NXN: variants seen among roughly 807,000 people sequenced by gnomAD.
NXN encodes nucleoredoxin 1.
In NXN, 16 loss-of-function variants were observed where a neutral mutation model predicts 48.6. The observed-to-expected ratio is 0.33, with a 90% CI of 0.22 to 0.50. The LOEUF is 0.50. Among genes scored for constraint, NXN ranks in the 20% least tolerant of loss-of-function variants. The pLI, the probability that NXN is intolerant of heterozygous loss-of-function variation, is 0.98. For missense variants in NXN, 492 were observed against 605.5 expected (o/e 0.81, Z 1.97); for synonymous variants, 281 against 269.6 (o/e 1.04, Z -0.41).
At chr17:964,262 C>T (rs1284520518) in intron 1 of NXN, among the ~76,000 whole-genome samples, 1 of 152,114 alleles carries the variant, frequency 6.6e-6, no homozygotes, top group African/African-American at 2.4e-5. Flanking sequence ...TCCTCATGAA[C>T]ACACACCGTG....
chr17:965,080 A>G (rs1021071358), intron 1 of NXN, among the ~76,000 whole-genome samples: 37 of 152,268 alleles, frequency 2.4e-4, no homozygotes, highest in African/African-American at 8.4e-4. Flanking sequence ...CCGCACACTG[A>G]CTATTGGGCG....
At chr17:910,355 T>G (rs2068623868) in intron 1 of NXN, among the ~76,000 whole-genome samples, 1 of 150,612 alleles carries the variant, frequency 6.6e-6, no homozygotes, top group South Asian at 2.1e-4. Context: ...GAGGTTGTGG[T>G]GAGCCGAGAT....
intron 1 of NXN, among the ~76,000 whole-genome samples, chr17:872,968 C>T (rs1382621657): frequency 6.6e-6 from 1 of 152,156 alleles, no homozygotes; most frequent in African/African-American, 2.4e-5. Flanking sequence ...AGACTGCTCT[C>T]CCCAGTGTGG....
intron 1 of NXN, among the ~76,000 whole-genome samples, chr17:855,691 G>A (rs1453260137): frequency 2.0e-5 from 3 of 152,176 alleles, no homozygotes; most frequent in African/African-American, 7.2e-5. Context: ...GCTCTGCCAT[G>A]GGATATGTAG....
intron 1 of NXN, among the ~76,000 whole-genome samples, chr17:918,173 A>C (rs1052724920): frequency 6.6e-6 from 1 of 152,206 alleles, no homozygotes; most frequent in Non-Finnish European, 1.5e-5. Context: ...AAAACAACAC[A>C]GCATTTTCCT....
chr17:974,215 G>C (rs910866206), intron 1 of NXN, among the ~76,000 whole-genome samples: 2 of 151,788 alleles, frequency 1.3e-5, no homozygotes, highest in Non-Finnish European at 2.9e-5. Context: ...GCCAGGCGTG[G>C]TGGTGGGCGC....
At chr17:846,066 A>G (rs1336027092) in intron 1 of NXN, among the ~76,000 whole-genome samples, 1 of 151,632 alleles carries the variant, frequency 6.6e-6, no homozygotes, top group Non-Finnish European at 1.5e-5. Flanking sequence ...TGGGGGACAG[A>G]GCGAGACTGC....
intron 7 of NXN, among the ~76,000 whole-genome samples, chr17:803,364 T>C (rs1437535824): frequency 6.6e-6 from 1 of 152,198 alleles, no homozygotes; most frequent in Non-Finnish European, 1.5e-5. Context: ...AAGGGCCTGG[T>C]TGTGACCCAG....
chr17:875,938 C>T (rs2068209239), intron 1 of NXN, among the ~76,000 whole-genome samples: 2 of 152,038 alleles, frequency 1.3e-5, no homozygotes, highest in Non-Finnish European at 2.9e-5. Context: ...GATCCCAGCA[C>T]TTTGGGAAGC....
chr17:855,962 A>G lies in NXN; in HGVS notation c.361-29884T>C, dbSNP rs370432045. 7.7e-4 allele frequency among the ~76,000 whole-genome samples: 117 copies of G among 152,258 alleles called. 3 individuals are homozygous for G. In the South Asian group the frequency reaches 0.023, roughly 30 times the overall value. On this transcript the variant is annotated intron_variant, in intron 1 of 7. Coordinates refer to ENST00000336868, the MANE Select transcript of NXN (RefSeq NM_022463.5). ...GTAATCCCAGCACTTTGGGAGGCCTAGACGGGCAGATCACGAGGTCAGGAG... is the reference window on the plus strand; with the variant it reads ...GTAATCCCAGCACTTTGGGAGGCCTGGACGGGCAGATCACGAGGTCAGGAG...
chr17:929,902 C>G (rs77055949), intron 1 of NXN: 4 of 150,198 alleles, frequency 2.7e-5, no homozygotes, highest in African/African-American at 9.8e-5. Context: ...GCTCTGCTCT[C>G]GAAAATGCAG....
intron 1 of NXN, among the ~76,000 whole-genome samples, chr17:871,820 A>G (rs2068158233): frequency 6.6e-6 from 1 of 152,154 alleles, no homozygotes; most frequent in Non-Finnish European, 1.5e-5. Flanking sequence ...ATGAACACCT[A>G]ACAGTTACCC....
rs1934439930 is a variant in NXN, at chr17:853,657, C to CTAG, written c.361-27582_361-27580dup. Reference sequence around the variant, plus strand: ...CAGGTGCTGTATACATGTCCAAGCCCTAGTACTCTTCCTTTACAGTACTTC... The same window carrying CTAG: ...CAGGTGCTGTATACATGTCCAAGCCCTAGTAGTACTCTTCCTTTACAGTACTTC... On this transcript the variant is annotated intron_variant, in intron 1 of 7. Coordinates refer to ENST00000336868, the MANE Select transcript of NXN (RefSeq NM_022463.5). Among the ~76,000 whole-genome samples, 3 of 150,486 alleles carry CTAG rather than the reference C, an allele frequency of 2.0e-5. No homozygotes were observed. The East Asian group carries it at 5.8e-4, about 29-fold the overall frequency.
chr17:879,868 C>T (rs987922268), intron 1 of NXN: 1 of 152,168 alleles, frequency 6.6e-6, no homozygotes, highest in Non-Finnish European at 1.5e-5. Flanking sequence ...ATTCTAGAAA[C>T]TTCTCTCACA....
chr17:958,074 T>C lies in NXN; in HGVS notation c.360+21245A>G, dbSNP rs2069191862. Reference sequence around the variant, plus strand: ...ACTTAGGCGCCTCGGCAGGATCAAATGAACCCTCTCCGTCTCAACTTTCCC... The same window carrying C: ...ACTTAGGCGCCTCGGCAGGATCAAACGAACCCTCTCCGTCTCAACTTTCCC... On this transcript the variant is annotated intron_variant, in intron 1 of 7. Transcript: ENST00000336868. The surrounding 1 kb of genome is among the most constrained non-coding windows in gnomAD (Gnocchi z 6.9). 1.3e-5 allele frequency among the ~76,000 whole-genome samples: 2 copies of C among 152,190 alleles called. No homozygotes were observed. Among genetic ancestry groups the C allele is most frequent in the Non-Finnish European group, 2.9e-5 (2 of 68,030 alleles).
At chr17:889,221 T>G (rs1175924171) in intron 1 of NXN, among the ~76,000 whole-genome samples, 2 of 152,002 alleles carry the variant, frequency 1.3e-5, no homozygotes, top group African/African-American at 2.4e-5. Flanking sequence ...CGTGCCACAC[T>G]TGCCTTCTCA....
At chr17:948,695 C>T (rs1267147653) in intron 1 of NXN, among the ~76,000 whole-genome samples, 3 of 151,950 alleles carry the variant, frequency 2.0e-5, no homozygotes, top group Admixed American at 6.6e-5. Context: ...GGTCCCAACG[C>T]GGGGCCTCAC....
At chr17:822,972 C>T (rs954531770) in intron 3 of NXN, among the ~76,000 whole-genome samples, 8 of 152,024 alleles carry the variant, frequency 5.3e-5, no homozygotes, top group African/African-American at 9.6e-5. Context: ...TGGTAGTGTG[C>T]GCCTGGAGCC....
At chr17:950,778 C>T (rs943052640) in intron 1 of NXN, among the ~76,000 whole-genome samples, 13 of 151,854 alleles carry the variant, frequency 8.6e-5, no homozygotes, top group Non-Finnish European at 1.3e-4. Flanking sequence ...CAGTGGGACA[C>T]GCAACACTGT....
Sources: allele counts gnomAD v4.1 joint callset (sites outside exome capture counted in the v4.1 genomes callset), GRCh38; gene constraint gnomAD v4.1.1; non-coding constraint Gnocchi (gnomAD v3.1); transcripts MANE v1.5; gene names NCBI Gene and HGNC (gene_info 2026-07-23, HGNC 2026-07-21).